The following OPCML variants were observed in gnomAD, a reference collection of about 807,000 sequenced individuals.
The protein encoded by OPCML is opioid-binding protein/cell adhesion molecule.
In OPCML, 13 loss-of-function variants were observed where a neutral mutation model predicts 37.8. The ratio of observed to expected loss-of-function variants is 0.34; its 90% CI spans 0.22 to 0.55. OPCML has a LOEUF of 0.55. Among genes scored for constraint, OPCML ranks in the 20% least tolerant of loss-of-function variants. The pLI, the probability that OPCML is intolerant of heterozygous loss-of-function variation, is 0.91. For synonymous variants in OPCML, 176 were observed against 168.8 expected (o/e 1.04, Z -0.33); for missense variants, 341 against 435.6 (o/e 0.78, Z 1.93).
intron 1 of OPCML, among the ~76,000 whole-genome samples, chr11:133,150,976 G>T (rs1949973921): frequency 6.6e-6 from 1 of 151,956 alleles, no homozygotes; most frequent in African/African-American, 2.4e-5. Flanking sequence ...CTATTTCAGA[G>T]ACATTAATAA....
At chr11:133,417,349 T>C (rs1206991593) in intron 1 of OPCML, among the ~76,000 whole-genome samples, 2 of 152,180 alleles carry the variant, frequency 1.3e-5, no homozygotes, top group Non-Finnish European at 2.9e-5. Flanking sequence ...TCCCAGCAAC[T>C]CTAAAAGGCA....
chr11:132,757,648 G>GT (rs1156487282), intron 2 of OPCML, among the ~76,000 whole-genome samples: 1 of 151,266 alleles, frequency 6.6e-6, no homozygotes, highest in Non-Finnish European at 1.5e-5. Flanking sequence ...TGATGTTGTT[G>GT]TTTTTTTCTT....
In OPCML at chr11:132,935,079, C is replaced by T. The variant is rs562432776; in HGVS notation, c.146+7847G>A. ...GCTTGAACCCAGGAGGTGGAGGTTG[C>T]GGTGAGCCAAGATCGCACCATTGCA... On this transcript the variant is annotated intron_variant, in intron 2 of 7. Coordinates refer to ENST00000524381, the MANE Select transcript of OPCML (RefSeq NM_001012393.5). Among the ~76,000 whole-genome samples, 16 of 150,232 alleles carry T rather than the reference C, an allele frequency of 1.1e-4. No homozygotes were observed. In the South Asian group the frequency reaches 2.5e-3, roughly 24 times the overall value.
intron 2 of OPCML, among the ~76,000 whole-genome samples, chr11:132,912,505 C>A (rs1565958163): frequency 6.6e-6 from 1 of 152,220 alleles, no homozygotes; most frequent in Admixed American, 6.5e-5. Flanking sequence ...TTTTATGAAG[C>A]ACTTCATGCA....
At chr11:132,788,795 G>A (rs1937697582) in intron 2 of OPCML, among the ~76,000 whole-genome samples, 1 of 152,196 alleles carries the variant, frequency 6.6e-6, no homozygotes, top group Admixed American at 6.5e-5. Flanking sequence ...GGGCAGAGCT[G>A]AGATTCAAAT....
At chr11:132,564,137 A>G (rs1309736431) in intron 3 of OPCML, among the ~76,000 whole-genome samples, 1 of 152,218 alleles carries the variant, frequency 6.6e-6, no homozygotes, top group Admixed American at 6.5e-5. Context: ...TGCTCTCCCG[A>G]TTGATCTTGA....
At chr11:133,209,849 T>C (rs1486074911) in intron 1 of OPCML, among the ~76,000 whole-genome samples, 1 of 152,232 alleles carries the variant, frequency 6.6e-6, no homozygotes, top group East Asian at 1.9e-4. Flanking sequence ...ATGTATCTGT[T>C]TCTAACTGAG....
intron 4 of OPCML, among the ~76,000 whole-genome samples, chr11:132,462,121 T>A (rs1939954): frequency 0.018 from 2,717 of 152,226 alleles, 59 homozygotes; most frequent in African/African-American, 0.059. Flanking sequence ...TCCAACACTA[T>A]CTTCAGGTAG....
rs199840480 is a variant in OPCML, at chr11:132,585,362, ACTTC to A, written c.380-56180_380-56177del. Among the ~76,000 whole-genome samples, 1,764 of 152,026 alleles carry A rather than the reference ACTTC, an allele frequency of 0.012. 125 individuals carry two copies. In the East Asian group the frequency reaches 0.2, roughly 18 times the overall value. ...TTTTTGGAAAGGTTAGAGAAGAGGG[ACTTC>A]CTTATGTTGAAATTTCCTGTTTTCA... On this transcript the variant is annotated intron_variant, in intron 3 of 7. Coordinates refer to ENST00000524381, the MANE Select transcript of OPCML (RefSeq NM_001012393.5).
intron 1 of OPCML, among the ~76,000 whole-genome samples, chr11:133,499,446 C>A (rs1947857672): frequency 6.6e-6 from 1 of 152,054 alleles, no homozygotes; most frequent in Admixed American, 6.6e-5. Flanking sequence ...GCTAATGATC[C>A]CTGGCCTCCC....
intron 1 of OPCML, among the ~76,000 whole-genome samples, chr11:133,146,577 T>G (rs189511305): frequency 6.6e-6 from 1 of 152,100 alleles, no homozygotes; most frequent in Non-Finnish European, 1.5e-5. Context: ...CCTCCCAAAG[T>G]GCTGGGATTA....
chr11:133,075,574 A>T (rs933242557), intron 1 of OPCML, among the ~76,000 whole-genome samples: 6 of 152,312 alleles, frequency 3.9e-5, no homozygotes, highest in Admixed American at 6.5e-5. Context: ...AGGGACAGTT[A>T]TACTGGCAGT....
intron 1 of OPCML, among the ~76,000 whole-genome samples, chr11:133,111,662 A>G (rs1386564929): frequency 1.3e-5 from 2 of 152,192 alleles, no homozygotes; most frequent in African/African-American, 4.8e-5. Flanking sequence ...ACTGCCTAGG[A>G]AAACAATGAA....
At chr11:133,111,105 C>A (rs1370777172) in intron 1 of OPCML, among the ~76,000 whole-genome samples, 1 of 152,196 alleles carries the variant, frequency 6.6e-6, no homozygotes, top group East Asian at 1.9e-4. Context: ...TTATTCTCCT[C>A]CTCTAAGCCA....
chr11:133,090,405 GAAGAA>G (rs1470135061), intron 1 of OPCML, among the ~76,000 whole-genome samples: 1 of 152,184 alleles, frequency 6.6e-6, no homozygotes, highest in African/African-American at 2.4e-5. Flanking sequence ...TGAGGGCACA[GAAGAA>G]AAGAGCTTTA....
chr11:132,638,186 T>TATATATATATATATATATAGAGAGAG (rs71067383), intron 3 of OPCML, among the ~76,000 whole-genome samples: 1 of 131,020 alleles, frequency 7.6e-6, no homozygotes, highest in African/African-American at 2.8e-5. Context: ...TATATATATA[T>TATATATATATATATATATAGAGAGAG]ACAGAGAGAG....
intron 2 of OPCML, among the ~76,000 whole-genome samples, chr11:132,904,928 C>T (rs1591782548): frequency 1.3e-5 from 2 of 152,160 alleles, no homozygotes; most frequent in South Asian, 4.1e-4. Flanking sequence ...AACAATAAAA[C>T]GAAATGTTTC....
chr11:132,987,083 C>A (rs1027534838), intron 1 of OPCML, among the ~76,000 whole-genome samples: 7 of 152,148 alleles, frequency 4.6e-5, no homozygotes, highest in Non-Finnish European at 8.8e-5. Context: ...CCCTCTTCAC[C>A]TCTTCTTTCG....
chr11:133,298,919 T>A (rs984013275), intron 1 of OPCML: 1 of 152,016 alleles, frequency 6.6e-6, no homozygotes, highest in African/African-American at 2.4e-5. Context: ...CTTTCATATA[T>A]AACTACAAAT....
Sources: gnomAD v4.1 joint callset for allele counts (sites outside exome capture counted in the v4.1 genomes callset) on GRCh38, gnomAD v4.1.1 for gene constraint, MANE v1.5 for transcripts, NCBI Gene and HGNC (gene_info 2026-07-23, HGNC 2026-07-21) for gene names.